Variants in PAWR observed in about 807,000 individuals in gnomAD.
PAWR encodes the protein PRKC apoptosis WT1 regulator protein.
In PAWR, 23 loss-of-function variants were observed where a neutral mutation model predicts 32.0. The observed-to-expected ratio is 0.72, with a 90% confidence interval of 0.52 to 1.02. The LOEUF (loss-of-function observed/expected upper bound fraction) is 1.02. Among genes scored for constraint, PAWR ranks in the 50% least tolerant of loss-of-function variants. The probability of loss-of-function intolerance (pLI) is 0.00; values close to 1 mark genes in which losing one functional copy is unlikely to be tolerated. For synonymous variants in PAWR, 226 were observed against 187.1 expected, an observed-to-expected ratio of 1.21 and a Z score of -1.70; for missense variants, 457 against 437.7, an observed-to-expected ratio of 1.04 and a Z score of -0.39.
intron 3 of PAWR, among the ~76,000 whole-genome samples, chr12:79,618,126 T>C (rs1874831268): frequency 6.9e-6 from 1 of 145,802 alleles, no homozygotes; most frequent in East Asian, 2.0e-4. Context: ...TCATCACTTC[T>C]TTTTTTTTTT....
rs144369682 is a variant in PAWR at position 79,648,738 on chromosome 12, A to G, written c.517-27531T>C. On this transcript the variant is annotated intron_variant, in intron 2 of 6. Transcript: ENST00000328827. ...CAGGAAGTCGAAGCTGCAATGAGCC[A>G]TGACTATGCCTTTGCACTCCATCCT... is the stretch of plus-strand genomic sequence containing the variant. Among the ~76,000 whole-genome samples the G allele has an allele frequency of 3.8e-3, 581 of 151,162 alleles. 9 individuals carry two copies. The highest frequency in any genetic ancestry group is 0.013 in the African/African-American group (551 of 40,824).
chr12:79,618,344 G>A (rs997920677), intron 3 of PAWR, among the ~76,000 whole-genome samples: 8 of 152,154 alleles, frequency 5.3e-5, no homozygotes, highest in Admixed American at 5.2e-4. Context: ...GGCCAGGCTA[G>A]TCTTGAACTT....
At position 79,594,179 on chromosome 12, in the gene PAWR, T is replaced by C. The variant is rs1003082901; in HGVS notation, c.936+150A>G. 3 of 517,910 alleles carry C rather than the reference T, an allele frequency of 5.8e-6. No individual in the cohort carries two copies. The East Asian group carries it at 1.0e-4, about 18-fold the overall frequency. The allele number at this position is 517,910 out of a possible 1,614,324, so 32.1% of individuals were successfully genotyped here. On this transcript the variant is annotated intron_variant, in intron 6 of 6. Coordinates refer to ENST00000328827, the MANE Select transcript of PAWR (RefSeq NM_002583.4). ...ATAACTGCCCAAAGGAAATCAGTTT[T>C]TGGAAGAAAATGATACCTCTTACTA...
chr12:79,605,528 T>A lies in PAWR; in HGVS notation c.683+8047A>T, dbSNP rs8176894. Among the ~76,000 whole-genome samples, 1,068 of 151,292 alleles carry A rather than the reference T, an allele frequency of 7.1e-3. 5 individuals carry two copies. Among genetic ancestry groups the A allele is most frequent in the Middle Eastern group, 0.02 (6 of 294 alleles). On this transcript the variant is annotated intron_variant, in intron 4 of 6. Transcript: ENST00000328827. The stretch of plus-strand genomic sequence containing the variant: ...TATATACAGATACATTCTTTTTTTT[T>A]TAAAAAAAAAGCCTTCAACTAAGCA...
At chr12:79,683,107 C>A (rs1030449955) in intron 2 of PAWR, among the ~76,000 whole-genome samples, 2 of 152,252 alleles carry the variant, frequency 1.3e-5, no homozygotes, top group East Asian at 3.9e-4. Context: ...GCAGACAGAG[C>A]ATTTTGCACT....
At chr12:79,678,469 T>G (rs899724739) in intron 2 of PAWR, among the ~76,000 whole-genome samples, 20 of 152,266 alleles carry the variant, frequency 1.3e-4, no homozygotes. Context: ...TGATAACCAA[T>G]GTGTGGGCAC....
At chr12:79,620,160 G>C (rs1176204630) in intron 3 of PAWR, among the ~76,000 whole-genome samples, 2 of 152,098 alleles carry the variant, frequency 1.3e-5, no homozygotes, top group Non-Finnish European at 2.9e-5. Flanking sequence ...GTATAATTTA[G>C]TATGATATAT....
chr12:79,626,122 C>CCACTG (rs925105028), intron 2 of PAWR, among the ~76,000 whole-genome samples: 5 of 133,794 alleles, frequency 3.7e-5, no homozygotes, highest in Non-Finnish European at 6.3e-5. Context: ...CAAGATCGTG[C>CCACTG]CACTGCACTC....
intron 2 of PAWR, among the ~76,000 whole-genome samples, chr12:79,679,508 T>A (rs912402068): frequency 6.6e-6 from 1 of 152,080 alleles, no homozygotes; most frequent in African/African-American, 2.4e-5. Context: ...TGACCAATTA[T>A]GGAGAAAAAA....
chr12:79,615,691 G>A (rs538085010), intron 3 of PAWR, among the ~76,000 whole-genome samples: 31 of 152,100 alleles, frequency 2.0e-4, no homozygotes, highest in Non-Finnish European at 4.0e-4. Flanking sequence ...ATTTAATGTC[G>A]AAAGAAATAT....
At chr12:79,645,791 A>G (rs1203231822) in intron 2 of PAWR, among the ~76,000 whole-genome samples, 12 of 152,182 alleles carry the variant, frequency 7.9e-5, no homozygotes, top group Non-Finnish European at 1.6e-4. Flanking sequence ...GCTCCTAACT[A>G]TAGTGTTTCA....
intron 2 of PAWR, among the ~76,000 whole-genome samples, chr12:79,689,494 T>C (rs1878858159): frequency 6.6e-6 from 1 of 152,206 alleles, no homozygotes; most frequent in East Asian, 1.9e-4. Flanking sequence ...ATCCTGGATC[T>C]GAGACCTGGC....
At chr12:79,671,977 T>C (rs1415621883) in intron 2 of PAWR, among the ~76,000 whole-genome samples, 2 of 152,202 alleles carry the variant, frequency 1.3e-5, no homozygotes, top group Non-Finnish European at 2.9e-5. Context: ...AAAAGTATTG[T>C]TAGTTAATGG....
intron 6 of PAWR, 37 bp from the exon 7 acceptor site, chr12:79,592,730 A>T (rs575160242): frequency 1.4e-6 from 1 of 705,118 alleles, no homozygotes; most frequent in Admixed American, 2.5e-5. Context: ...AAATACTTAA[A>T]AATATTTGAG....
chr12:79,644,996 T>C (rs1276879605), intron 2 of PAWR, among the ~76,000 whole-genome samples: 2 of 149,786 alleles, frequency 1.3e-5, no homozygotes, highest in Non-Finnish European at 3.0e-5. Context: ...ACTGAGTCTC[T>C]GTAATGTAAA....
chr12:79,675,090 C>T lies in PAWR; in HGVS notation c.516+14639G>A, dbSNP rs182207012. On this transcript the variant is annotated intron_variant, in intron 2 of 6. Transcript: ENST00000328827. ...ACCCAAAGGACTAGAAATCATTCTA[C>T]CACAGGGCCAGGCACGGTGGCTCAT... Among the ~76,000 whole-genome samples the T allele has an allele frequency of 5.9e-3, 895 of 152,206 alleles. 7 individuals are homozygous for T. The highest frequency in any genetic ancestry group is 0.01 in the Middle Eastern group (3 of 294).
intron 2 of PAWR, among the ~76,000 whole-genome samples, chr12:79,623,659 C>A (rs1875139470): frequency 6.6e-6 from 1 of 151,732 alleles, no homozygotes; most frequent in Non-Finnish European, 1.5e-5. Context: ...CAAATTAAAA[C>A]CTGCTCTTAA....
intron 2 of PAWR, among the ~76,000 whole-genome samples, chr12:79,632,376 T>TTTTA (rs1227781258): frequency 2.6e-5 from 3 of 115,364 alleles, no homozygotes; most frequent in African/African-American, 7.5e-5. Context: ...TTTTTTTTTT[T>TTTTA]AGACAGGGTC....
In PAWR at chr12:79,690,338, A is replaced by C. The variant is rs1238908425; in HGVS notation, c.-94T>G. The C allele has an allele frequency of 5.2e-6, 7 of 1,358,770 alleles. No homozygotes were observed. Among genetic ancestry groups the C allele is most frequent in the Non-Finnish European group, 5.7e-6 (6 of 1,060,018 alleles). 84.2% of individuals were successfully genotyped at this position (1,358,770 alleles called of 1,614,324 possible). A position where few individuals can be genotyped will look rare whatever the true frequency, so the allele number is the denominator to read the frequency against. Reference sequence around the variant, plus strand: ...TCCTTCCTGCGGCCCCGAGGATGCCAGGAGACGACCTCCAGGAGAGGGACG... The same window carrying C: ...TCCTTCCTGCGGCCCCGAGGATGCCCGGAGACGACCTCCAGGAGAGGGACG... On this transcript the variant is annotated 5_prime_UTR_variant, in exon 2 of 7. Transcript: ENST00000328827.
Sources: allele counts gnomAD v4.1 joint callset (sites outside exome capture counted in the v4.1 genomes callset), GRCh38; gene constraint gnomAD v4.1.1; transcripts MANE v1.5; gene names NCBI Gene and HGNC (gene_info 2026-07-23, HGNC 2026-07-21).